The following KIF16B variants were observed in gnomAD, a reference collection of about 807,000 sequenced individuals.
The protein encoded by KIF16B is kinesin-like protein KIF16B.
Under a neutral mutation model 156.3 loss-of-function variants are expected in KIF16B, and 98 were observed. That is an observed-to-expected ratio of 0.63 (90% confidence interval 0.53 to 0.74). The LOEUF is 0.74. Among genes scored for constraint, KIF16B ranks in the 30% least tolerant of loss-of-function variants. The pLI, the probability that KIF16B is intolerant of heterozygous loss-of-function variation, is 0.00. For missense variants in KIF16B, 1,421 were observed against 1,606.5 expected (o/e 0.88, Z 1.97); for synonymous variants, 564 against 583.7 (o/e 0.97, Z 0.49).
chr20:16,309,537 TGA>T (rs2063589239), intron 25 of KIF16B, among the ~76,000 whole-genome samples: 1 of 152,218 alleles, frequency 6.6e-6, no homozygotes, highest in Admixed American at 6.6e-5. Flanking sequence ...TTTTATAACT[TGA>T]GAGTGCCAAA....
At chr20:16,296,822 G>A (rs965775201) in intron 25 of KIF16B, among the ~76,000 whole-genome samples, 1 of 152,206 alleles carries the variant, frequency 6.6e-6, no homozygotes, top group African/African-American at 2.4e-5. Context: ...ACATTATTTG[G>A]GATGTGTTTA....
chr20:16,508,394 C>T (rs759748275), intron 6 of KIF16B, among the ~76,000 whole-genome samples: 8 of 152,150 alleles, frequency 5.3e-5, no homozygotes, highest in East Asian at 1.9e-4. Context: ...CATAGGGCCA[C>T]GGTCCCCAAC....
At chr20:16,474,022 C>T (rs1051299114) in intron 12 of KIF16B, among the ~76,000 whole-genome samples, 1 of 152,158 alleles carries the variant, frequency 6.6e-6, no homozygotes, top group Admixed American at 6.6e-5. Flanking sequence ...CCCTGCTGCT[C>T]CAAGCTCACT....
At chr20:16,368,005 G>A (rs1339219129) in intron 22 of KIF16B, 1 of 1,422,992 alleles carries the variant, frequency 7.0e-7, no homozygotes, top group Non-Finnish European at 9.1e-7. Context: ...AGCATATAAA[G>A]TTGACTGAAG....
intron 17 of KIF16B, among the ~76,000 whole-genome samples, chr20:16,389,330 T>C (rs1339481095): frequency 1.3e-5 from 2 of 152,308 alleles, no homozygotes; most frequent in East Asian, 1.9e-4. Context: ...ACTTTCAATA[T>C]GTACTGAACT....
chr20:16,353,215 A>T (rs903023957), intron 23 of KIF16B, among the ~76,000 whole-genome samples: 4 of 152,206 alleles, frequency 2.6e-5, no homozygotes, highest in Non-Finnish European at 4.4e-5. Context: ...AGAATTTAGT[A>T]GTAGCCAAAA....
intron 1 of KIF16B, among the ~76,000 whole-genome samples, chr20:16,554,146 G>A (rs1234061706): frequency 6.6e-6 from 1 of 152,220 alleles, no homozygotes; most frequent in Non-Finnish European, 1.5e-5. Context: ...TCAAACTGAG[G>A]AGGACATGAA....
intron 12 of KIF16B, among the ~76,000 whole-genome samples, chr20:16,476,602 T>C (rs1422934464): frequency 6.6e-6 from 1 of 152,214 alleles, no homozygotes; most frequent in Non-Finnish European, 1.5e-5. Context: ...GAGCCCATTA[T>C]AGAATGGTTT....
chr20:16,336,109 G>T, intron 23 of KIF16B, 94 bp from the exon 24 acceptor site: 1 of 719,808 alleles, frequency 1.4e-6, no homozygotes. Flanking sequence ...TAAAAAAAGT[G>T]ATTAGCATGT....
At position 16,445,041 on chromosome 20, in the gene KIF16B, C is replaced by T. The variant is rs79195782; in HGVS notation, c.1303-15059G>A. ...GATTGTGAACGGAAAAAGGGAAATA[C>T]GAATATATTAGCAGGCCAGGCATGG... On this transcript the variant is annotated intron_variant, in intron 12 of 25. Transcript: ENST00000354981. 6.7e-3 allele frequency among the ~76,000 whole-genome samples: 1,014 copies of T among 152,084 alleles called. 16 individuals are homozygous for T. The highest frequency in any genetic ancestry group is 0.023 in the African/African-American group (971 of 41,502).
chr20:16,515,678 A>T lies in KIF16B; in HGVS notation c.232-14T>A. 7.2e-7 allele frequency: 1 copy of T among 1,381,568 alleles called. No individual in the cohort carries two copies. Among genetic ancestry groups the T allele is most frequent in the East Asian group, 2.3e-5 (1 of 43,714 alleles). 85.6% of individuals were successfully genotyped at this position (1,381,568 alleles called of 1,614,324 possible). On this transcript the variant is annotated splice_polypyrimidine_tract_variant and intron_variant, in intron 3 of 25. Transcript: ENST00000354981. ...GGTTTTGAAAACCTGAAAGCCAAAA[A>T]GAACACACAAAAGATACAATTATCA... is the stretch of plus-strand genomic sequence containing the variant.
chr20:16,491,109 C>A (rs1000713692), intron 12 of KIF16B, among the ~76,000 whole-genome samples: 5 of 151,958 alleles, frequency 3.3e-5, no homozygotes, highest in Admixed American at 2.0e-4. Flanking sequence ...GAGGAGTGAT[C>A]GGGGGAGGCG....
chr20:16,437,678 A>C (rs186330573), intron 12 of KIF16B, among the ~76,000 whole-genome samples: 1 of 152,326 alleles, frequency 6.6e-6, no homozygotes, highest in East Asian at 1.9e-4. Flanking sequence ...TAGATGCCAA[A>C]AGATTTTTAT....
chr20:16,428,470 G>A (rs1263874129), intron 14 of KIF16B, among the ~76,000 whole-genome samples: 1 of 152,118 alleles, frequency 6.6e-6, no homozygotes, highest in African/African-American at 2.4e-5. Flanking sequence ...GTCTTGTGAA[G>A]ACTTTCAGGA....
chr20:16,441,284 T>C (rs1012888617), intron 12 of KIF16B, among the ~76,000 whole-genome samples: 1 of 152,164 alleles, frequency 6.6e-6, no homozygotes, highest in Non-Finnish European at 1.5e-5. Context: ...CCCACGGAAA[T>C]ACGTCATGCT....
chr20:16,348,053 A>G (rs1232480572), intron 23 of KIF16B, among the ~76,000 whole-genome samples: 1 of 152,260 alleles, frequency 6.6e-6, no homozygotes, highest in Non-Finnish European at 1.5e-5. Flanking sequence ...TGGCAGGCCA[A>G]TCTACCATCA....
At chr20:16,374,030 T>G (rs1444680127) in intron 20 of KIF16B, among the ~76,000 whole-genome samples, 1 of 152,188 alleles carries the variant, frequency 6.6e-6, no homozygotes. Context: ...TGCAACAAGA[T>G]TCCTTGGATC....
At chr20:16,294,758 CGT>C (rs1308403932) in intron 25 of KIF16B, among the ~76,000 whole-genome samples, 3 of 152,112 alleles carry the variant, frequency 2.0e-5, no homozygotes, top group Non-Finnish European at 4.4e-5. Flanking sequence ...AACAGCACAG[CGT>C]ATGTCAGCCT....
intron 22 of KIF16B, among the ~76,000 whole-genome samples, chr20:16,366,462 G>A (rs1395273801): frequency 6.6e-6 from 1 of 152,160 alleles, no homozygotes; most frequent in Non-Finnish European, 1.5e-5. Flanking sequence ...TGAGGGATAC[G>A]GGTTAGGTGG....
Sources: allele counts gnomAD v4.1 joint callset (sites outside exome capture counted in the v4.1 genomes callset), GRCh38; gene constraint gnomAD v4.1.1; transcripts MANE v1.5; gene names NCBI Gene and HGNC (gene_info 2026-07-23, HGNC 2026-07-21).